The following IGSF5 variants were observed in gnomAD, a reference collection of about 807,000 sequenced individuals.
The protein encoded by IGSF5 is immunoglobulin superfamily 5 like.
IGSF5 carries 41 observed loss-of-function variants against 39.4 expected under a neutral mutation model. That is an observed-to-expected ratio of 1.04 (90% confidence interval 0.81 to 1.35). The LOEUF is 1.35. Ranked by LOEUF, IGSF5 falls within the 40% of genes most tolerant of loss-of-function variation. The pLI is 0.00. For synonymous variants in IGSF5, 183 were observed against 175.3 expected, an observed-to-expected ratio of 1.04 and a Z score of -0.34; for missense variants, 487 against 494.6, an observed-to-expected ratio of 0.98 and a Z score of 0.15.
At position 39,779,372 on chromosome 21, in the gene IGSF5, T is replaced by A. The variant is rs142792590; in HGVS notation, c.934+67T>A. ...TTTTGGTACAAGCAGTTGAAGTTAATGAACTCATCAGCTCTTTCAAAAGAT... is the reference window on the plus strand; with the variant it reads ...TTTTGGTACAAGCAGTTGAAGTTAAAGAACTCATCAGCTCTTTCAAAAGAT... On this transcript the variant is annotated intron_variant, in intron 5 of 8. Transcript: ENST00000380588. The A allele has an allele frequency of 9.7e-4, 1,513 of 1,566,112 alleles. 8 individuals are homozygous for A. Among genetic ancestry groups the A allele is most frequent in the Non-Finnish European group, 5.2e-4 (595 of 1,154,498 alleles).
At chr21:39,779,991 A>G (rs2080162152) in intron 5 of IGSF5, among the ~76,000 whole-genome samples, 1 of 152,200 alleles carries the variant, frequency 6.6e-6, no homozygotes, top group Admixed American at 6.5e-5. Context: ...CAGCATGATG[A>G]CTGTAATTAA....
At chr21:39,736,660 G>A in the IGSF5 span, among the ~76,000 whole-genome samples, 3 of 152,230 alleles carry the variant, frequency 2.0e-5, no homozygotes, top group Admixed American at 6.5e-5. Context: ...GTCCCGGCCC[G>A]GGGTCACCGG....
chr21:39,775,109 A>C (rs1199649043), intron 4 of IGSF5, among the ~76,000 whole-genome samples: 1 of 152,040 alleles, frequency 6.6e-6, no homozygotes, highest in Non-Finnish European at 1.5e-5. Context: ...AGTTACTCTA[A>C]TGGGCAGCCA....
intron 2 of IGSF5, among the ~76,000 whole-genome samples, chr21:39,755,447 C>T (rs2080024537): frequency 6.6e-6 from 1 of 151,916 alleles, no homozygotes; most frequent in Non-Finnish European, 1.5e-5. Context: ...ATTAGCCGAG[C>T]ATGGTGGCAG....
intron 2 of IGSF5, among the ~76,000 whole-genome samples, chr21:39,760,845 C>T (rs762537656): frequency 2.6e-5 from 4 of 152,280 alleles, no homozygotes; most frequent in African/African-American, 7.2e-5. Flanking sequence ...GCTGGGATTA[C>T]AGGCATGAGC....
intron 2 of IGSF5, among the ~76,000 whole-genome samples, chr21:39,749,166 G>T (rs1359755963): frequency 3.3e-5 from 5 of 151,836 alleles, no homozygotes; most frequent in Admixed American, 6.6e-5. Flanking sequence ...GGGGAGAAAG[G>T]CTTCCTATAG....
intron 2 of IGSF5, among the ~76,000 whole-genome samples, chr21:39,757,106 A>C (rs1007371768): frequency 2.6e-5 from 4 of 151,496 alleles, no homozygotes; most frequent in African/African-American, 9.7e-5. Context: ...CAGGTGTCCA[A>C]TGCGGCGGCT....
intron 3 of IGSF5, among the ~76,000 whole-genome samples, chr21:39,768,323 A>G (rs1427112456): frequency 1.3e-5 from 2 of 152,224 alleles, no homozygotes; most frequent in Non-Finnish European, 2.9e-5. Flanking sequence ...GAATTATTCT[A>G]TGATTTTTTC....
intron 4 of IGSF5, 112 bp from the exon 5 acceptor site, chr21:39,778,978 C>A: frequency 7.8e-7 from 1 of 1,287,552 alleles, no homozygotes; most frequent in Non-Finnish European, 1.1e-6. Context: ...CTAGCCATAG[C>A]AGGCTGAATA....
chr21:39,795,838 C>T (rs2086992835), intron 8 of IGSF5, among the ~76,000 whole-genome samples: 1 of 152,060 alleles, frequency 6.6e-6, no homozygotes, highest in Non-Finnish European at 1.5e-5. Flanking sequence ...CCGGGCACCT[C>T]ATCAGAGAGC....
At chr21:39,751,391 T>A (rs1366843876) in intron 2 of IGSF5, 1 of 152,246 alleles carries the variant, frequency 6.6e-6, no homozygotes, top group Non-Finnish European at 1.5e-5. Context: ...AGTTTCTCCA[T>A]AGGGCCCCTC....
In IGSF5 at chr21:39,786,778, A is replaced by G. The variant is rs551962327; in HGVS notation, c.935-1389A>G. On this transcript the variant is annotated intron_variant, in intron 5 of 8. Transcript: ENST00000380588. ...ATTCACCATGGAATACTATGCAGCCATAAAAAATGGTGAGTTCATGTCCTT... is the reference window on the plus strand; with the variant it reads ...ATTCACCATGGAATACTATGCAGCCGTAAAAAATGGTGAGTTCATGTCCTT... 2.2e-4 allele frequency among the ~76,000 whole-genome samples: 33 copies of G among 152,370 alleles called. No individual in the cohort carries two copies. In the South Asian group the frequency reaches 3.7e-3, roughly 17 times the overall value.
intron 2 of IGSF5, among the ~76,000 whole-genome samples, chr21:39,759,064 A>G (rs900755150): frequency 1.7e-4 from 25 of 146,970 alleles, no homozygotes; most frequent in Admixed American, 1.7e-3. Context: ...CTGTGTAGAC[A>G]TGTTTTGCTT....
chr21:39,800,172 T>G (rs1277348315), intron 8 of IGSF5, among the ~76,000 whole-genome samples: 3 of 152,212 alleles, frequency 2.0e-5, no homozygotes, highest in African/African-American at 4.8e-5. Flanking sequence ...TTGCAAATGT[T>G]TTTTATTTTG....
chr21:39,755,119 T>G (rs2080023126), intron 2 of IGSF5, among the ~76,000 whole-genome samples: 1 of 152,170 alleles, frequency 6.6e-6, no homozygotes, highest in Admixed American at 6.5e-5. Flanking sequence ...CTAACAGACC[T>G]TAATCTATTG....
At chr21:39,787,112 A>G (rs950839002) in intron 5 of IGSF5, among the ~76,000 whole-genome samples, 1 of 152,208 alleles carries the variant, frequency 6.6e-6, no homozygotes, top group Non-Finnish European at 1.5e-5. Flanking sequence ...GTATTAAAAA[A>G]AAAATGCAAT....
At position 39,793,542 on chromosome 21, in the gene IGSF5, T is replaced by C. The variant is rs1224578511; in HGVS notation, c.1057T>C (p.Ser353Pro). The C allele has an allele frequency of 6.2e-7, 1 of 1,613,778 alleles. No homozygotes were observed. Among genetic ancestry groups the C allele is most frequent in the African/African-American group, 1.3e-5 (1 of 74,918 alleles). The stretch of plus-strand genomic sequence containing the variant: ...TTGTTCTTCTGTTGCAGACACCGCT[T>C]CTCTCCCTCCCAAATCCTGTGAATC... ...SDEQKTTDTA[S>P]LPPKSCESSD... Residue 353 changes from serine to proline, a missense_variant, in exon 8 of 9, where the codon TCT (serine) becomes CCT (proline). Ser to Pro is a moderately conservative substitution (Grantham distance 74, BLOSUM62 -1). Coordinates refer to ENST00000380588, the MANE Select transcript of IGSF5 (RefSeq NM_001080444.2).
upstream of IGSF5, among the ~76,000 whole-genome samples, chr21:39,742,114 G>T (rs1476808947): frequency 6.6e-6 from 1 of 151,666 alleles, no homozygotes; most frequent in Admixed American, 6.6e-5. Flanking sequence ...TGTCCATATT[G>T]TCCTTCTGTT....
At chr21:39,734,487 TATA>T in the IGSF5 span, among the ~76,000 whole-genome samples, 3 of 147,636 alleles carry the variant, frequency 2.0e-5, no homozygotes, top group Non-Finnish European at 4.5e-5. Context: ...CATTACTCAT[TATA>T]ATATCATACA....
Sources: allele counts gnomAD v4.1 joint callset (sites outside exome capture counted in the v4.1 genomes callset), GRCh38; gene constraint gnomAD v4.1.1; transcripts MANE v1.5; gene names NCBI Gene and HGNC (gene_info 2026-07-23, HGNC 2026-07-21).